The following MTRES1 variants were observed in gnomAD, a reference collection of about 807,000 sequenced individuals.
MTRES1 encodes the protein uncharacterized protein C6orf203.
Under a neutral mutation model 17.4 loss-of-function variants are expected in MTRES1, and 11 were observed. The ratio of observed to expected loss-of-function variants is 0.63; its 90% CI spans 0.40 to 1.05. MTRES1 has a LOEUF of 1.05. Among genes scored for constraint, MTRES1 ranks in the 50% least tolerant of loss-of-function variants. MTRES1 has a pLI of 0.00. For missense variants in MTRES1, 268 were observed against 276.2 expected (o/e 0.97, Z 0.21); for synonymous variants, 94 against 99.6 (o/e 0.94, Z 0.34).
intron 2 of MTRES1, among the ~76,000 whole-genome samples, chr6:107,042,005 G>A (rs1470217767): frequency 6.6e-6 from 1 of 151,972 alleles, no homozygotes; most frequent in African/African-American, 2.4e-5. Context: ...ATGACCTAAT[G>A]TAATGGCATA....
intron 1 of MTRES1, among the ~76,000 whole-genome samples, chr6:107,032,643 G>A (rs963034176): frequency 6.6e-6 from 1 of 152,082 alleles, no homozygotes; most frequent in East Asian, 1.9e-4. Context: ...CCCAGGAGGC[G>A]GAGGTTGCAG....
chr6:107,030,576 T>A (rs1010664923), intron 1 of MTRES1, among the ~76,000 whole-genome samples: 1 of 152,212 alleles, frequency 6.6e-6, no homozygotes, highest in African/African-American at 2.4e-5. Flanking sequence ...CATCAAATTA[T>A]GACAAGACGT....
chr6:107,029,389 G>T (rs1773753292), intron 1 of MTRES1, among the ~76,000 whole-genome samples: 3 of 151,666 alleles, frequency 2.0e-5, no homozygotes, highest in Admixed American at 2.0e-4. Context: ...GGGTTTCACC[G>T]TGTTAGCCAG....
intron 3 of MTRES1, among the ~76,000 whole-genome samples, chr6:107,047,084 G>A (rs1368771992): frequency 6.6e-6 from 1 of 152,016 alleles, no homozygotes; most frequent in Non-Finnish European, 1.5e-5. Flanking sequence ...TTACAGGCGT[G>A]AGCCACCACA....
At chr6:107,043,776 G>A (rs1774296985) in intron 2 of MTRES1, among the ~76,000 whole-genome samples, 1 of 152,082 alleles carries the variant, frequency 6.6e-6, no homozygotes, top group African/African-American at 2.4e-5. Flanking sequence ...GCTGGCCAAG[G>A]GTCAACTGCA....
chr6:107,045,944 G>A (rs539721123), intron 3 of MTRES1, among the ~76,000 whole-genome samples: 2 of 152,332 alleles, frequency 1.3e-5, no homozygotes, highest in Admixed American at 1.3e-4. Flanking sequence ...GCTGTCAGCC[G>A]TGCATTTGGG....
At chr6:107,035,873 T>C (rs1301707800) in intron 1 of MTRES1, among the ~76,000 whole-genome samples, 3 of 152,150 alleles carry the variant, frequency 2.0e-5, no homozygotes, top group African/African-American at 7.2e-5. Context: ...GGTCTCAAAC[T>C]CCTGACCTCA....
chr6:107,041,982 A>G (rs1410484966), intron 2 of MTRES1, among the ~76,000 whole-genome samples: 2 of 152,120 alleles, frequency 1.3e-5, no homozygotes, highest in African/African-American at 4.8e-5. Flanking sequence ...CTTCTTGTGT[A>G]ATTTGTACCT....
intron 1 of MTRES1, among the ~76,000 whole-genome samples, chr6:107,033,075 G>T (rs1453657434): frequency 1.3e-5 from 2 of 152,176 alleles, no homozygotes; most frequent in East Asian, 3.9e-4. Flanking sequence ...GATTGTAGGG[G>T]TGGCTATAGT....
In MTRES1 at chr6:107,050,081, G is replaced by A. The variant is rs79177981; in HGVS notation, c.544-976G>A. ...TTGAGATCCTGAGCTGCCTGGACCC[G>A]GTATCTGTCTTGGGCTGTCCATACC... On this transcript the variant is annotated intron_variant, in intron 3 of 3. Transcript: ENST00000311381. Among the ~76,000 whole-genome samples, 1,023 of 152,302 alleles carry A rather than the reference G, an allele frequency of 6.7e-3. 15 individuals are homozygous for A. The highest frequency in any genetic ancestry group is 0.023 in the African/African-American group (974 of 41,574).
At chr6:107,047,852 C>G (rs1774442998) in intron 3 of MTRES1, among the ~76,000 whole-genome samples, 1 of 151,976 alleles carries the variant, frequency 6.6e-6, no homozygotes, top group Non-Finnish European at 1.5e-5. Flanking sequence ...CGCCATTGCA[C>G]TCCAGCCTGG....
chr6:107,029,930 A>ACCCTGCTCCACTTTCTTC, intron 1 of MTRES1: 1 of 628,174 alleles, frequency 1.6e-6, no homozygotes, highest in Non-Finnish European at 2.8e-6. Flanking sequence ...AATCCCCCTT[A>ACCCTGCTCCACTTTCTTC]CCCTGCTCCA....
intron 1 of MTRES1, among the ~76,000 whole-genome samples, chr6:107,035,868 C>G (rs1773990518): frequency 6.6e-6 from 1 of 152,114 alleles, no homozygotes; most frequent in South Asian, 2.1e-4. Context: ...AGGCTGGTCT[C>G]AAACTCCTGA....
At chr6:107,049,812 C>T (rs1774533376) in intron 3 of MTRES1, among the ~76,000 whole-genome samples, 1 of 151,668 alleles carries the variant, frequency 6.6e-6, no homozygotes, top group Non-Finnish European at 1.5e-5. Context: ...ACCTCTGCCT[C>T]CTGGGTTCAA....
At chr6:107,037,715 T>C (rs1051300630) in intron 1 of MTRES1, among the ~76,000 whole-genome samples, 1 of 152,058 alleles carries the variant, frequency 6.6e-6, no homozygotes, top group African/African-American at 2.4e-5. Flanking sequence ...TATATAGCAT[T>C]TTATTTATTT....
intron 2 of MTRES1, among the ~76,000 whole-genome samples, chr6:107,043,861 G>A (rs1554228058): frequency 6.6e-6 from 1 of 152,208 alleles, no homozygotes; most frequent in Non-Finnish European, 1.5e-5. Flanking sequence ...GGACGCGGTG[G>A]TTCACGCCTG....
intron 1 of MTRES1, among the ~76,000 whole-genome samples, chr6:107,030,764 C>T (rs1376248584): frequency 3.3e-5 from 5 of 152,168 alleles, no homozygotes; most frequent in Admixed American, 3.3e-4. Flanking sequence ...ATTGTGGGAA[C>T]CCTCGTGAAG....
At chr6:107,033,675 G>A (rs1023568280) in intron 1 of MTRES1, among the ~76,000 whole-genome samples, 3 of 152,038 alleles carry the variant, frequency 2.0e-5, no homozygotes, top group Non-Finnish European at 4.4e-5. Context: ...AAAATTAGCC[G>A]GGCGTGGTGG....
chr6:107,036,411 C>T (rs1192349608), intron 1 of MTRES1, among the ~76,000 whole-genome samples: 2 of 151,980 alleles, frequency 1.3e-5, no homozygotes, highest in East Asian at 1.9e-4. Flanking sequence ...GACGTGGTAG[C>T]GCATGCCTGT....
Sources: gnomAD v4.1 joint callset for allele counts (sites outside exome capture counted in the v4.1 genomes callset) on GRCh38, gnomAD v4.1.1 for gene constraint, MANE v1.5 for transcripts, NCBI Gene and HGNC (gene_info 2026-07-23, HGNC 2026-07-21) for gene names.